Variants in CHD4 observed in about 807,000 individuals in gnomAD.
The protein encoded by CHD4 is chromodomain helicase DNA binding protein 4.
CHD4 carries 35 observed loss-of-function variants against 235.5 expected under a neutral mutation model. That is an observed-to-expected ratio of 0.15 (90% CI 0.11 to 0.20). The LOEUF is 0.20. CHD4 is among the 10% of genes least tolerant of loss of function. The pLI is 1.00. For missense variants in CHD4, 1,329 were observed against 2,432.3 expected, an observed-to-expected ratio of 0.55 and a Z score of 9.54; for synonymous variants, 900 against 850.2, an observed-to-expected ratio of 1.06 and a Z score of -1.02.
chr12:6,602,198 G>A, intron 3 of CHD4, 23 bp from the exon 4 acceptor site: 4 of 1,612,452 alleles, frequency 2.5e-6, no homozygotes, highest in Non-Finnish European at 2.5e-6. Flanking sequence ...AAGGGGGGAA[G>A]AGGGAGACAG....
chr12:6,579,114 A>C, intron 33 of CHD4, 197 bp from the exon 34 acceptor site: 5 of 497,286 alleles, frequency 1.0e-5, no homozygotes, highest in Non-Finnish European at 1.8e-5. Context: ...CAGGAGTTCA[A>C]GACCAGCCTG....
chr12:6,572,878 A>G lies in CHD4; in HGVS notation c.5557+196T>C, dbSNP rs1948001059. ...CCCGGCCAGGAGTCCATCTCTTTAA[A>G]AAAAAAAAAAGGCAAAGAACTACTG... On this transcript the variant is annotated intron_variant, in intron 38 of 39. Coordinates refer to ENST00000544040, the MANE Select transcript of CHD4 (RefSeq NM_001273.5). 1.6e-5 allele frequency: 8 copies of G among 499,240 alleles called. No homozygotes were observed. The Admixed American group carries it at 1.8e-4, about 11-fold the overall frequency. 30.9% of individuals were successfully genotyped at this position (499,240 alleles called of 1,614,324 possible). A position where few individuals can be genotyped will look rare whatever the true frequency, so the allele number is the denominator to read the frequency against.
At chr12:6,607,207 G>C (rs997399526) in intron 1 of CHD4, 93 bp downstream of exon 1, 3 of 152,266 alleles carry the variant, frequency 2.0e-5, no homozygotes, top group African/African-American at 7.2e-5. Flanking sequence ...CGCGGGTCCG[G>C]AGACGCCTGA....
chr12:6,578,167 T>G (rs770172669), intron 35 of CHD4, 30 bp from the exon 36 acceptor site: 1 of 1,571,148 alleles, frequency 6.4e-7, no homozygotes, highest in Admixed American at 1.7e-5. Context: ...AGGTTGGGGG[T>G]GGGGGGAAGC....
Position 6,599,782 on chromosome 12 carries a change from G to A in CHD4, c.1473C>T (p.Pro491=), listed in dbSNP as rs1240563575. 1.2e-6 allele frequency: 2 copies of A among 1,614,036 alleles called. No homozygotes were observed. The highest frequency in any genetic ancestry group is 2.7e-5 in the African/African-American group (2 of 74,896). Residue 491 remains proline (P), a synonymous_variant, in exon 10 of 40, where the codon CCC becomes CCT. Coordinates refer to ENST00000544040, the MANE Select transcript of CHD4 (RefSeq NM_001273.5). ...PEIPNGEWLC[P]RCTCPALKGK... ...GAGATCAGTCACTCACCGTACAACGGGGACAGAGCCATTCACCGTTGGGGA... is the reference window on the plus strand; with the variant it reads ...GAGATCAGTCACTCACCGTACAACGAGGACAGAGCCATTCACCGTTGGGGA...
intron 12 of CHD4, among the ~76,000 whole-genome samples, 156 bp downstream of exon 12, chr12:6,597,738 C>T (rs1005257059): frequency 6.6e-6 from 1 of 152,208 alleles, no homozygotes; most frequent in Non-Finnish European, 1.5e-5. Context: ...TGCACTCCAG[C>T]CTGGGCACAG....
rs1009047354 is a variant in CHD4 at position 6,594,181 on chromosome 12, C to T, written c.2313+278G>A. Among the ~76,000 whole-genome samples, 5 of 152,148 alleles carry T rather than the reference C, an allele frequency of 3.3e-5. No homozygotes were observed. In the East Asian group the frequency reaches 7.7e-4, roughly 23 times the overall value. On this transcript the variant is annotated intron_variant, in intron 15 of 39. Transcript: ENST00000544040. The stretch of plus-strand genomic sequence containing the variant: ...ACTCATAATTCTACTTCCCTCAACA[C>T]ACAATCATTCCCCTAGAACTGATAC...
intron 26 of CHD4, 31 bp from the exon 27 acceptor site, chr12:6,583,144 C>A: frequency 6.2e-7 from 1 of 1,609,192 alleles, no homozygotes; most frequent in Non-Finnish European, 8.5e-7. Flanking sequence ...TGAGCGGGGC[C>A]CACTGCTCTA....
At position 6,595,325 on chromosome 12, in the gene CHD4, C is replaced by T. The variant is rs1357020966; in HGVS notation, c.2121+9G>A. 6.2e-7 allele frequency: 1 copy of T among 1,611,984 alleles called. No individual in the cohort carries two copies. Among genetic ancestry groups the T allele is most frequent in the Non-Finnish European group, 8.5e-7 (1 of 1,178,290 alleles). On this transcript the variant is annotated intron_variant, in intron 14 of 39. Coordinates refer to ENST00000544040, the MANE Select transcript of CHD4 (RefSeq NM_001273.5). ...CCAACAAACTACAGTCCCTTCCACC[C>T]CCACTCACATCAACTGTTGGCGTTT...
intron 22 of CHD4, among the ~76,000 whole-genome samples, chr12:6,591,079 T>C (rs1336414626): frequency 7.8e-6 from 1 of 129,032 alleles, no homozygotes; most frequent in Admixed American, 9.9e-5. Context: ...GCCAAGATCG[T>C]GCCGCTGCAC....
At position 6,570,624 on chromosome 12, in the gene CHD4, G is replaced by T; in HGVS notation, c.*52C>A. On this transcript the variant is annotated 3_prime_UTR_variant, in exon 40 of 40. Coordinates refer to ENST00000544040, the MANE Select transcript of CHD4 (RefSeq NM_001273.5). ...CCCCAGGGGAGAAGCTGGGACAAGA[G>T]AAAGTGAGGAAGGTCACTGCTCAGC... 6.2e-7 allele frequency: 1 copy of T among 1,612,562 alleles called. No homozygotes were observed. Among genetic ancestry groups the T allele is most frequent in the Non-Finnish European group, 8.5e-7 (1 of 1,178,660 alleles).
rs139223495 is a variant in CHD4 at position 6,588,221 on chromosome 12, T to C, written c.3465+77A>G. The stretch of plus-strand genomic sequence containing the variant: ...CACTTAAAAACCTAATTCCAGATGG[T>C]GGAGCCCTCATAGAGGCCACTATGC... On this transcript the variant is annotated intron_variant, in intron 23 of 39. Transcript: ENST00000544040. The C allele has an allele frequency of 6.7e-4, 1,031 of 1,535,934 alleles. 5 individuals carry two copies. The African/African-American group carries it at 0.013, about 20-fold the overall frequency.
chr12:6,595,544 T>G, intron 13 of CHD4, 114 bp from the exon 14 acceptor site: 1 of 850,180 alleles, frequency 1.2e-6, no homozygotes, highest in South Asian at 1.5e-5. Context: ...GGCCAGCACT[T>G]TGGGAGGCTG....
intron 10 of CHD4, among the ~76,000 whole-genome samples, 157 bp downstream of exon 10, chr12:6,599,616 C>T (rs1011084526): frequency 3.9e-5 from 6 of 152,134 alleles, no homozygotes; most frequent in African/African-American, 1.4e-4. Flanking sequence ...TATATTTTCC[C>T]AGGACAAAAG....
intron 37 of CHD4, among the ~76,000 whole-genome samples, chr12:6,574,129 A>T (rs917596862): frequency 2.0e-5 from 3 of 152,164 alleles, no homozygotes; most frequent in Non-Finnish European, 4.4e-5. Flanking sequence ...ATGTAGTAAT[A>T]CTGTGGCTTT....
At chr12:6,606,102 C>T (rs1323378522) in intron 2 of CHD4, among the ~76,000 whole-genome samples, 172 bp downstream of exon 2, 1 of 152,234 alleles carries the variant, frequency 6.6e-6, no homozygotes, top group Non-Finnish European at 1.5e-5. Context: ...CACATGGCTT[C>T]CACCCCCCTC....
At chr12:6,602,783 A>G in intron 2 of CHD4, 1 of 301,186 alleles carries the variant, frequency 3.3e-6, no homozygotes, top group African/African-American at 2.1e-5. Context: ...CTAGATGTTC[A>G]CCAGTACAGC....
At chr12:6,575,539 G>A (rs1948056054) in intron 37 of CHD4, among the ~76,000 whole-genome samples, 1 of 151,436 alleles carries the variant, frequency 6.6e-6, no homozygotes, top group African/African-American at 2.4e-5. Context: ...AAGTCACTAA[G>A]TCCAATAAAT....
At position 6,592,032 on chromosome 12, in the gene CHD4, G is replaced by A; in HGVS notation, c.2974C>T (p.Arg992Ter). The A allele has an allele frequency of 6.2e-7, 1 of 1,614,138 alleles. No individual in the cohort carries two copies. The highest frequency in any genetic ancestry group is 8.5e-7 in the Non-Finnish European group (1 of 1,180,020). Residue 992 changes from arginine to a stop codon, truncating the protein, a stop_gained, in exon 20 of 40, where the codon CGA (arginine) becomes TGA (stop). Transcript: ENST00000544040. LOFTEE classifies it high-confidence loss of function. ...CGGGCATTGAGTGCTTCAAAATTTCGAGTGAGGATGTACTTGTAGTATTTC... is the reference window on the plus strand; with the variant it reads ...CGGGCATTGAGTGCTTCAAAATTTCAAGTGAGGATGTACTTGTAGTATTTC... The part of the protein sequence containing the change: ...QKKYYKYILT[R>*]NFEALNARGG...
Sources: allele counts gnomAD v4.1 joint callset (sites outside exome capture counted in the v4.1 genomes callset), GRCh38; gene constraint gnomAD v4.1.1; transcripts MANE v1.5; gene names NCBI Gene and HGNC (gene_info 2026-07-23, HGNC 2026-07-21).